PACS1: variants seen among roughly 807,000 people sequenced by gnomAD.
The protein encoded by PACS1 is PACS-1.
PACS1 carries 24 observed loss-of-function variants against 115.0 expected under a neutral mutation model. That is an observed-to-expected ratio of 0.21 (90% CI 0.15 to 0.29). The LOEUF is 0.29. Among genes scored for constraint, PACS1 ranks in the 10% least tolerant of loss-of-function variants. The pLI is 1.00. For missense variants in PACS1, 838 were observed against 1,251.2 expected, an observed-to-expected ratio of 0.67 and a Z score of 4.98; for synonymous variants, 453 against 504.5, an observed-to-expected ratio of 0.90 and a Z score of 1.37.
chr11:66,243,101 C>T, intron 23 of PACS1, 64 bp from the exon 24 acceptor site: 2 of 1,611,800 alleles, frequency 1.2e-6, no homozygotes, highest in Non-Finnish European at 1.7e-6. Flanking sequence ...AATGGCCTTT[C>T]CCAAGGGGCC....
Position 66,193,358 on chromosome 11 carries a change from AC to A in PACS1, c.357-124del, listed in dbSNP as rs1474169097. The stretch of plus-strand genomic sequence containing the variant: ...GGATGCTCTTCTACTGAGAGAGGGG[AC>A]CCCTGGGACTGAGGACAGCGTTCTC... On this transcript the variant is annotated intron_variant, in intron 1 of 23. Transcript: ENST00000320580. 2.8e-5 allele frequency: 17 copies of A among 608,188 alleles called. No individual in the cohort carries two copies. In the East Asian group the frequency reaches 4.6e-4, roughly 17 times the overall value. 37.7% of individuals were successfully genotyped at this position (608,188 alleles called of 1,614,324 possible).
rs187257324 is a variant in PACS1, at chr11:66,159,589, G to A, written c.357-33897G>A. On this transcript the variant is annotated intron_variant, in intron 1 of 23. Coordinates refer to ENST00000320580, the MANE Select transcript of PACS1 (RefSeq NM_018026.4). The stretch of plus-strand genomic sequence containing the variant: ...CCCACAGCCTGGCCAAGAGATTGTC[G>A]TAGGTTTTTCAGTTTTGGGGGTGGG... 5.2e-4 allele frequency among the ~76,000 whole-genome samples: 79 copies of A among 152,274 alleles called. 1 individual carries two copies. The highest frequency in any genetic ancestry group is 4.8e-3 in the Admixed American group (74 of 15,286).
At chr11:66,219,518 G>A (rs1416544831) in intron 7 of PACS1, 2 of 669,012 alleles carry the variant, frequency 3.0e-6, no homozygotes, top group Non-Finnish European at 5.5e-6. Flanking sequence ...TGGAGGACCT[G>A]GGGATAGACA....
chr11:66,167,618 C>T (rs1184496874), intron 1 of PACS1, among the ~76,000 whole-genome samples: 1 of 150,192 alleles, frequency 6.7e-6, no homozygotes, highest in African/African-American at 2.5e-5. Flanking sequence ...ACTCTTACCT[C>T]AGAGTCATAA....
At chr11:66,188,182 G>A (rs542674143) in intron 1 of PACS1, among the ~76,000 whole-genome samples, 3 of 130,582 alleles carry the variant, frequency 2.3e-5, no homozygotes, top group Admixed American at 1.6e-4. Flanking sequence ...TTTTTTGGCC[G>A]TTGAGATATT....
At chr11:66,140,422 C>T (rs1198636675) in intron 1 of PACS1, among the ~76,000 whole-genome samples, 3 of 152,180 alleles carry the variant, frequency 2.0e-5, no homozygotes, top group African/African-American at 7.2e-5. Context: ...GCCTTGCTCA[C>T]AAAAGCCAGT....
chr11:66,070,657 C>A lies in PACS1; in HGVS notation c.171C>A (p.Ser57=). 1 of 1,566,406 alleles carries A rather than the reference C, an allele frequency of 6.4e-7. No individual in the cohort carries two copies. The highest frequency in any genetic ancestry group is 2.4e-5 in the East Asian group (1 of 41,360). ...PPKLAQATSS[S]SSTSAAAASS... ...AGCTGGCCCAGGCCACCTCGTCGTC[C>A]TCGTCCACCTCGGCGGCGGCTGCCT... is the stretch of plus-strand genomic sequence containing the variant. The change falls in exon 1 of 24, where the codon TCC becomes TCA. Residue 57 remains serine (S), a synonymous_variant. Coordinates refer to ENST00000320580, the MANE Select transcript of PACS1 (RefSeq NM_018026.4). The surrounding 1 kb of genome is among the most constrained non-coding windows in gnomAD (Gnocchi z 5.9).
chr11:66,230,354 G>T, intron 11 of PACS1, 194 bp from the exon 12 acceptor site: 1 of 590,772 alleles, frequency 1.7e-6, no homozygotes, highest in Non-Finnish European at 3.0e-6. Flanking sequence ...CCCACACGGG[G>T]TGTACTCAGT....
intron 1 of PACS1, among the ~76,000 whole-genome samples, chr11:66,174,152 G>A (rs920724017): frequency 2.0e-5 from 3 of 151,744 alleles, no homozygotes; most frequent in African/African-American, 7.3e-5. Flanking sequence ...CTTGAGAAAG[G>A]CAAATTAGTC....
chr11:66,176,415 A>AT (rs11424379), intron 1 of PACS1, among the ~76,000 whole-genome samples: 130,204 of 143,210 alleles, frequency 0.91, 60,116 homozygotes, highest in East Asian at 0.99. Flanking sequence ...TAAGATCCAG[A>AT]TTTTTTTTTT....
At chr11:66,136,125 G>A (rs1440955226) in intron 1 of PACS1, among the ~76,000 whole-genome samples, 1 of 152,086 alleles carries the variant, frequency 6.6e-6, no homozygotes, top group Non-Finnish European at 1.5e-5. Context: ...TACGTCCTAC[G>A]GGTTATGTGG....
intron 1 of PACS1, among the ~76,000 whole-genome samples, chr11:66,104,611 C>G (rs1040692502): frequency 3.9e-5 from 6 of 152,168 alleles, no homozygotes; most frequent in Admixed American, 6.5e-5. Flanking sequence ...GTTTGCCAAC[C>G]TCTGATCTAG....
intron 1 of PACS1, among the ~76,000 whole-genome samples, chr11:66,085,036 C>T (rs1857542353): frequency 6.6e-6 from 1 of 152,234 alleles, no homozygotes. Context: ...GGTGTCCCCT[C>T]TGCAATCCTT....
chr11:66,241,534 A>T lies in PACS1; in HGVS notation c.2537A>T (p.Lys846Met), dbSNP rs1855815014. ...GGCGACAAGAGGGACGCCAGCTCGAAGAACACCCTCAAGAGTGTCTTCCGC... is the reference window on the plus strand; with the variant it reads ...GGCGACAAGAGGGACGCCAGCTCGATGAACACCCTCAAGAGTGTCTTCCGC... ...REGDKRDASS[K>M]NTLKSVFRSV... Residue 846 changes from lysine to methionine, a missense_variant, in exon 22 of 24, where the codon AAG (lysine) becomes ATG (methionine). Physicochemically the swap from Lys to Met is moderately conservative, Grantham distance 95. Coordinates refer to ENST00000320580, the MANE Select transcript of PACS1 (RefSeq NM_018026.4). 6.2e-7 allele frequency: 1 copy of T among 1,614,122 alleles called. No homozygotes were observed. Among genetic ancestry groups the T allele is most frequent in the Admixed American group, 1.7e-5 (1 of 60,016 alleles).
intron 1 of PACS1, among the ~76,000 whole-genome samples, chr11:66,082,759 A>G (rs956345754): frequency 6.6e-6 from 1 of 152,114 alleles, no homozygotes; most frequent in Admixed American, 6.5e-5. Flanking sequence ...GGAGGCTGAG[A>G]CAGGAGAATC....
intron 1 of PACS1, among the ~76,000 whole-genome samples, chr11:66,116,090 C>T (rs775726204): frequency 1.9e-4 from 29 of 152,206 alleles, no homozygotes; most frequent in Non-Finnish European, 4.0e-4. Flanking sequence ...AGGAATGTGT[C>T]GCTATTTGTT....
chr11:66,100,616 A>G (rs957773472), intron 1 of PACS1: 1 of 343,964 alleles, frequency 2.9e-6, no homozygotes, highest in Middle Eastern at 6.3e-4. Flanking sequence ...TATCACTTAA[A>G]ATAAGGGAAG....
intron 1 of PACS1, among the ~76,000 whole-genome samples, chr11:66,160,120 G>A (rs1474842361): frequency 6.6e-6 from 1 of 152,122 alleles, no homozygotes; most frequent in Non-Finnish European, 1.5e-5. Flanking sequence ...AGTTGGACAT[G>A]GTCTCTGTTC....
chr11:66,235,621 G>T lies in PACS1; in HGVS notation c.2207+218G>T. The T allele has an allele frequency of 1.7e-6, 1 of 599,138 alleles. No individual in the cohort carries two copies. The highest frequency in any genetic ancestry group is 3.0e-6 in the Non-Finnish European group (1 of 335,946). The allele number at this position is 599,138 out of a possible 1,614,324, so 37.1% of individuals were successfully genotyped here. A position where few individuals can be genotyped will look rare whatever the true frequency, so the allele number is the denominator to read the frequency against. ...CCTGAGTTCATCAGTTTCCTTTCCT[G>T]CCCTTCAGTATAAAGCAGCCCATCC... On this transcript the variant is annotated intron_variant, in intron 18 of 23. Coordinates refer to ENST00000320580, the MANE Select transcript of PACS1 (RefSeq NM_018026.4). This position sits in a 1 kb window ranked among gnomAD's most constrained non-coding sequence, Gnocchi z 5.6.
Sources: gnomAD v4.1 joint callset for allele counts (sites outside exome capture counted in the v4.1 genomes callset) on GRCh38, gnomAD v4.1.1 for gene constraint, Gnocchi (gnomAD v3.1) non-coding constraint, MANE v1.5 for transcripts, NCBI Gene and HGNC (gene_info 2026-07-23, HGNC 2026-07-21) for gene names.